GPHN: variants seen among roughly 807,000 people sequenced by gnomAD.
GPHN encodes gephyrin.
In GPHN, 17 loss-of-function variants were observed where a neutral mutation model predicts 95.5. That is an observed-to-expected ratio of 0.18 (90% CI 0.12 to 0.27). GPHN has a LOEUF of 0.27. Among genes scored for constraint, GPHN ranks in the 10% least tolerant of loss-of-function variants. GPHN has a pLI of 1.00. For missense variants in GPHN, 660 were observed against 978.1 expected (o/e 0.67, Z 4.34); for synonymous variants, 320 against 322.5 (o/e 0.99, Z 0.08).
At chr14:66,856,898 ATTCAGTGT>A (rs2062826947) in intron 4 of GPHN, among the ~76,000 whole-genome samples, 3 of 152,134 alleles carry the variant, frequency 2.0e-5, no homozygotes, top group African/African-American at 7.2e-5. Context: ...AAGACATAAA[ATTCAGTGT>A]ATTTTTTTCC....
chr14:67,680,188 A>G, the GPHN span, among the ~76,000 whole-genome samples: 5 of 152,234 alleles, frequency 3.3e-5, no homozygotes, highest in African/African-American at 1.2e-4. Flanking sequence ...CCATTTCAAA[A>G]TATCGTCACG....
At chr14:67,622,859 CA>C in the GPHN span, among the ~76,000 whole-genome samples, 3 of 152,218 alleles carry the variant, frequency 2.0e-5, no homozygotes, top group Non-Finnish European at 4.4e-5. Flanking sequence ...CTATAACAAT[CA>C]GCTGAGGCTG....
chr14:67,657,933 G>C, the GPHN span, among the ~76,000 whole-genome samples: 1 of 151,946 alleles, frequency 6.6e-6, no homozygotes, highest in African/African-American at 2.4e-5. Context: ...ATTTTTAGTA[G>C]AGACAGGGTT....
chr14:67,624,223 C>CT, the GPHN span, among the ~76,000 whole-genome samples: 2 of 152,142 alleles, frequency 1.3e-5, no homozygotes, highest in Non-Finnish European at 2.9e-5. Context: ...GCCTTGTACT[C>CT]TTTTCTCCAG....
intron 6 of GPHN, among the ~76,000 whole-genome samples, chr14:66,919,921 G>T (rs1297902828): frequency 6.6e-6 from 1 of 152,060 alleles, no homozygotes. Context: ...AAAAAAACTA[G>T]CCAGGCGTGG....
chr14:67,668,244 T>A, the GPHN span, among the ~76,000 whole-genome samples: 1 of 152,222 alleles, frequency 6.6e-6, no homozygotes, highest in Non-Finnish European at 1.5e-5. Context: ...ATTAAGAAAT[T>A]ATAGCACATT....
chr14:66,668,531 G>T (rs748656165), intron 1 of GPHN, among the ~76,000 whole-genome samples: 1 of 152,144 alleles, frequency 6.6e-6, no homozygotes, highest in African/African-American at 2.4e-5. Context: ...TAACACAGGA[G>T]CAGAAAACCA....
chr14:67,217,349 A>T, the GPHN span, among the ~76,000 whole-genome samples: 5 of 152,146 alleles, frequency 3.3e-5, no homozygotes, highest in South Asian at 2.1e-4. Flanking sequence ...GTCATTTTTT[A>T]AAAAATCCAT....
intron 1 of GPHN, among the ~76,000 whole-genome samples, chr14:66,645,679 G>A (rs2064703931): frequency 7.3e-6 from 1 of 137,452 alleles, no homozygotes; most frequent in Non-Finnish European, 1.5e-5. Flanking sequence ...GCGACAGAGT[G>A]AGACTCCATT....
chr14:66,592,735 C>T (rs9699228), intron 1 of GPHN, among the ~76,000 whole-genome samples: 1 of 151,874 alleles, frequency 6.6e-6, no homozygotes, highest in Non-Finnish European at 1.5e-5. Flanking sequence ...TTGTGGAAGA[C>T]ACTGGTGATT....
chr14:66,990,939 A>C (rs960983509), intron 9 of GPHN, among the ~76,000 whole-genome samples: 2 of 151,992 alleles, frequency 1.3e-5, no homozygotes, highest in African/African-American at 4.8e-5. Flanking sequence ...GGATTTAATT[A>C]AATCATTAAT....
chr14:67,595,926 T>C, the GPHN span, among the ~76,000 whole-genome samples: 8,469 of 152,274 alleles, frequency 0.056, 468 homozygotes, highest in African/African-American at 0.15. Flanking sequence ...AAGGTCCTTA[T>C]CTCTTAAGGC....
At chr14:67,620,850 G>T in the GPHN span, 2 of 1,606,964 alleles carry the variant, frequency 1.2e-6, no homozygotes, top group South Asian at 2.2e-5. Flanking sequence ...GTTTTTTTCC[G>T]ACACCTTCTC....
the GPHN span, among the ~76,000 whole-genome samples, chr14:67,354,419 A>G: frequency 6.6e-6 from 1 of 152,208 alleles, no homozygotes; most frequent in African/African-American, 2.4e-5. Context: ...AAAATTTTAA[A>G]TGCAATTATT....
chr14:67,691,069 A>C, the GPHN span: 2 of 977,512 alleles, frequency 2.0e-6, no homozygotes, highest in Admixed American at 3.4e-5. Flanking sequence ...AAGAAGCCTC[A>C]ATCTGACCCC....
intron 4 of GPHN, among the ~76,000 whole-genome samples, chr14:66,845,620 A>G (rs1362341271): frequency 6.6e-6 from 1 of 152,190 alleles, no homozygotes. Flanking sequence ...AAGATGACTA[A>G]GATGAGGGAA....
At chr14:67,508,107 C>G in the GPHN span, among the ~76,000 whole-genome samples, 1 of 144,898 alleles carries the variant, frequency 6.9e-6, no homozygotes, top group African/African-American at 2.6e-5. Context: ...TGCACTCCAG[C>G]CTGGGCAGCA....
the GPHN span, among the ~76,000 whole-genome samples, chr14:67,679,724 T>G: frequency 1.3e-5 from 2 of 152,144 alleles, no homozygotes; most frequent in African/African-American, 2.4e-5. Flanking sequence ...AGTTTTATAA[T>G]TTTATAATTC....
the GPHN span, chr14:67,473,302 A>T: frequency 5.6e-6 from 8 of 1,416,820 alleles, no homozygotes; most frequent in Non-Finnish European, 7.7e-6. The surrounding 1 kb of genome is among the most constrained non-coding windows in gnomAD (Gnocchi z 6.5). Context: ...TGTGCCCTAT[A>T]GGGCTGAGGC....
Sources: allele counts gnomAD v4.1 joint callset (sites outside exome capture counted in the v4.1 genomes callset), GRCh38; gene constraint gnomAD v4.1.1; non-coding constraint Gnocchi (gnomAD v3.1); transcripts MANE v1.5; gene names NCBI Gene and HGNC (gene_info 2026-07-23, HGNC 2026-07-21).